ADGRE3: variants seen among roughly 807,000 people sequenced by gnomAD.
ADGRE3 encodes the protein adhesion G protein-coupled receptor E3.
A neutral mutation model predicts 80.1 loss-of-function variants in ADGRE3; 88 were observed. That is an observed-to-expected ratio of 1.10 (90% CI 0.93 to 1.31). The LOEUF is 1.31. Ranked by LOEUF, ADGRE3 falls within the 40% of genes most tolerant of loss-of-function variation. The pLI is 0.00. For missense variants in ADGRE3, 715 were observed against 776.5 expected (o/e 0.92, Z 0.94); for synonymous variants, 281 against 294.8 (o/e 0.95, Z 0.48).
intron 4 of ADGRE3, among the ~76,000 whole-genome samples, chr19:14,661,188 C>T (rs1202462262): frequency 1.3e-5 from 2 of 152,134 alleles, no homozygotes; most frequent in East Asian, 1.9e-4. Context: ...GTGATCTACC[C>T]GCCTTGGCCT....
chr19:14,667,236 A>C (rs1972127690), intron 2 of ADGRE3, among the ~76,000 whole-genome samples: 1 of 152,054 alleles, frequency 6.6e-6, no homozygotes, highest in Admixed American at 6.6e-5. Context: ...TTGGAGTGAA[A>C]TGTGGCATGC....
intron 9 of ADGRE3, among the ~76,000 whole-genome samples, chr19:14,643,463 C>T (rs1469879767): frequency 1.3e-5 from 2 of 151,874 alleles, no homozygotes; most frequent in Admixed American, 6.6e-5. Flanking sequence ...TATCTTTGCC[C>T]TGGGGTCCTA....
At chr19:14,656,966 G>C (rs1971785543) in intron 5 of ADGRE3, among the ~76,000 whole-genome samples, 1 of 152,096 alleles carries the variant, frequency 6.6e-6, no homozygotes, top group Admixed American at 6.6e-5. Flanking sequence ...CGTGATCTCA[G>C]CTCACTGCAA....
chr19:14,610,869 C>T, the ADGRE3 span: 2 of 152,114 alleles, frequency 1.3e-5, no homozygotes, highest in South Asian at 2.1e-4. Context: ...ACTCTGTTGC[C>T]GAGGCTGGTC....
rs1217437043 is a variant in ADGRE3, at chr19:14,668,791, T to C, written c.76+11A>G. ...GTCCACAAGTTCTCTGTTCTGGCTC[T>C]GAGCACTCACTTTTGGTTTTCTGAG... On this transcript the variant is annotated intron_variant, in intron 2 of 15. Transcript: ENST00000253673. The C allele has an allele frequency of 2.5e-6, 4 of 1,613,532 alleles. No homozygotes were observed. Among genetic ancestry groups the C allele is most frequent in the Non-Finnish European group, 2.5e-6 (3 of 1,179,638 alleles).
chr19:14,619,549 C>G, intron 15 of ADGRE3, 78 bp from the exon 16 acceptor site: 3 of 1,145,688 alleles, frequency 2.6e-6, no homozygotes, highest in Non-Finnish European at 3.9e-6. Context: ...CATGGAAAAA[C>G]AGCAGGAGTG....
intron 6 of ADGRE3, among the ~76,000 whole-genome samples, chr19:14,651,852 G>A (rs1296808520): frequency 1.3e-5 from 2 of 152,112 alleles, no homozygotes; most frequent in Non-Finnish European, 2.9e-5. Context: ...GACCAGCCTG[G>A]CCAACATGGT....
At chr19:14,636,096 T>TTCTTTCTTTC (rs1568481251) in intron 11 of ADGRE3, among the ~76,000 whole-genome samples, 8 of 44,144 alleles carry the variant, frequency 1.8e-4, no homozygotes, top group African/African-American at 4.9e-4. Context: ...CTTTCTTTCT[T>TTCTTTCTTTC]TCTTTCTTTC....
chr19:14,662,734 C>G (rs1009648799), intron 3 of ADGRE3, among the ~76,000 whole-genome samples: 3 of 151,860 alleles, frequency 2.0e-5, no homozygotes, highest in African/African-American at 4.8e-5. Flanking sequence ...AAAACAGCCC[C>G]CATTTTGCCT....
chr19:14,618,613 C>T (rs144902483), downstream of ADGRE3, among the ~76,000 whole-genome samples: 1,171 of 149,342 alleles, frequency 7.8e-3, 16 homozygotes, highest in African/African-American at 0.028. Context: ...TCCCAGCACT[C>T]TGGGAGGCCA....
chr19:14,613,049 C>T, the ADGRE3 span, among the ~76,000 whole-genome samples: 2 of 151,902 alleles, frequency 1.3e-5, no homozygotes, highest in Non-Finnish European at 2.9e-5. Flanking sequence ...CCTCAGCCTC[C>T]TGAATAGCTG....
At chr19:14,668,073 G>T (rs1355511232) in intron 2 of ADGRE3, among the ~76,000 whole-genome samples, 1 of 152,104 alleles carries the variant, frequency 6.6e-6, no homozygotes, top group Non-Finnish European at 1.5e-5. Flanking sequence ...GGGTGTCATG[G>T]TGAAACCCAG....
chr19:14,655,530 A>G (rs1189885622), intron 5 of ADGRE3, among the ~76,000 whole-genome samples: 1 of 152,062 alleles, frequency 6.6e-6, no homozygotes, highest in East Asian at 1.9e-4. Flanking sequence ...ATCTTGGCTC[A>G]CTGCAACCTC....
intron 14 of ADGRE3, among the ~76,000 whole-genome samples, chr19:14,628,441 A>T (rs557443023): frequency 4.5e-4 from 68 of 152,024 alleles, no homozygotes; most frequent in African/African-American, 1.5e-3. Context: ...TCTGTCTCAA[A>T]AAATAAATAA....
chr19:14,672,073 C>A (rs536831491), intron 1 of ADGRE3, among the ~76,000 whole-genome samples: 148 of 152,222 alleles, frequency 9.7e-4, no homozygotes, highest in Non-Finnish European at 1.8e-3. Flanking sequence ...TGTGTAGCAG[C>A]CACACAAACC....
chr19:14,618,579 G>A (rs373200919), downstream of ADGRE3, among the ~76,000 whole-genome samples: 137 of 148,930 alleles, frequency 9.2e-4, 1 homozygote, highest in South Asian at 0.026. Context: ...AGCCTGGGCC[G>A]GGCACGGTGG....
At chr19:14,616,975 A>G (rs2075078360), downstream of ADGRE3, among the ~76,000 whole-genome samples, 1 of 151,666 alleles carries the variant, frequency 6.6e-6, no homozygotes, top group South Asian at 2.1e-4. Flanking sequence ...TCGTATTTTT[A>G]GTAGAGAGGG....
At chr19:14,661,024 C>T (rs1266613494) in intron 4 of ADGRE3, among the ~76,000 whole-genome samples, 3 of 150,646 alleles carry the variant, frequency 2.0e-5, no homozygotes, top group African/African-American at 7.3e-5. Flanking sequence ...TCACTGCCAC[C>T]TCTGCTTCCC....
At chr19:14,670,590 A>C (rs930473982) in intron 1 of ADGRE3, among the ~76,000 whole-genome samples, 1 of 152,188 alleles carries the variant, frequency 6.6e-6, no homozygotes, top group Non-Finnish European at 1.5e-5. Context: ...GCTCTTCCCC[A>C]TGCCTTTCCA....
Sources: gnomAD v4.1 joint callset for allele counts (sites outside exome capture counted in the v4.1 genomes callset) on GRCh38, gnomAD v4.1.1 for gene constraint, MANE v1.5 for transcripts, NCBI Gene and HGNC (gene_info 2026-07-23, HGNC 2026-07-21) for gene names.